CCDC83: variants seen among roughly 807,000 people sequenced by gnomAD.
The protein encoded by CCDC83 is coiled-coil domain-containing protein 83.
In CCDC83, 54 loss-of-function variants were observed where a neutral mutation model predicts 50.1. That is an observed-to-expected ratio of 1.08 (90% CI 0.87 to 1.35). The LOEUF (loss-of-function observed/expected upper bound fraction) is 1.35, where lower values mean the gene tolerates loss of function less well. Among genes scored for constraint, CCDC83 ranks in the 40% most tolerant of loss-of-function variants. The probability of loss-of-function intolerance (pLI) is 0.00; values close to 1 mark genes in which losing one functional copy is unlikely to be tolerated. For synonymous variants in CCDC83, 161 were observed against 153.3 expected (o/e 1.05, Z -0.37); for missense variants, 518 against 473.9 (o/e 1.09, Z -0.86).
At chr11:85,858,800 G>A (rs940152542) in intron 1 of CCDC83, among the ~76,000 whole-genome samples, 1 of 152,148 alleles carries the variant, frequency 6.6e-6, no homozygotes, top group Non-Finnish European at 1.5e-5. Context: ...GCCCATGACA[G>A]AAAAGCAGCA....
In CCDC83 at chr11:85,915,338, C is replaced by G. The variant is rs940612742; in HGVS notation, c.795-81C>G. The G allele has an allele frequency of 4.1e-6, 4 of 964,404 alleles. No homozygotes were observed. The African/African-American group carries it at 4.9e-5, about 12-fold the overall frequency. 59.7% of individuals were successfully genotyped at this position (964,404 alleles called of 1,614,324 possible). On this transcript the variant is annotated intron_variant, in intron 8 of 10. Coordinates refer to ENST00000342404, the MANE Select transcript of CCDC83 (RefSeq NM_001286159.2). ...TTTTTCATCTATGCATTTCTAGCAC[C>G]TAGTAGAGAGATAGACCCTAGTAAG... is the stretch of plus-strand genomic sequence containing the variant.
intron 7 of CCDC83, among the ~76,000 whole-genome samples, chr11:85,908,468 T>C (rs2093435232): frequency 6.6e-6 from 1 of 151,934 alleles, no homozygotes; most frequent in African/African-American, 2.4e-5. Flanking sequence ...GGAGAATCGC[T>C]TGAACCTGGG....
chr11:85,857,768 C>A (rs1044836103), intron 1 of CCDC83, among the ~76,000 whole-genome samples: 2 of 152,142 alleles, frequency 1.3e-5, no homozygotes, highest in Non-Finnish European at 2.9e-5. Context: ...AAAGGCTGTG[C>A]CCAGGCCCTG....
rs140166663 is a variant in CCDC83 at position 85,858,737 on chromosome 11, C to T, written c.-29+3153C>T. On this transcript the variant is annotated intron_variant, in intron 1 of 10. Transcript: ENST00000342404. ...ATACTTTACCATCTAGGCATTCACC[C>T]GGTCTGTGGACTTATACCTGTGTGC... Among the ~76,000 whole-genome samples the T allele has an allele frequency of 1.2e-4, 17 of 147,756 alleles. 1 individual carries two copies. The East Asian group carries it at 2.1e-3, about 18-fold the overall frequency.
intron 7 of CCDC83, 99 bp from the exon 8 acceptor site, chr11:85,911,182 A>T (rs2135135889): frequency 1.8e-6 from 2 of 1,084,546 alleles, no homozygotes; most frequent in South Asian, 2.4e-5. Flanking sequence ...AAATAAAAAA[A>T]AAAAAAAAAA....
At chr11:85,880,739 C>A (rs1239665363) in intron 3 of CCDC83, among the ~76,000 whole-genome samples, 1 of 152,000 alleles carries the variant, frequency 6.6e-6, no homozygotes, top group Admixed American at 6.6e-5. Context: ...TTTCTTCTAG[C>A]TAGCATGGTT....
intron 10 of CCDC83, among the ~76,000 whole-genome samples, chr11:85,918,406 G>A (rs1183455284): frequency 3.3e-5 from 5 of 152,184 alleles, no homozygotes; most frequent in Non-Finnish European, 7.3e-5. Flanking sequence ...GAACACTTGG[G>A]AAAGGTTTGC....
chr11:85,856,673 G>A (rs967897072), intron 1 of CCDC83, among the ~76,000 whole-genome samples: 14 of 152,118 alleles, frequency 9.2e-5, no homozygotes, highest in Admixed American at 6.5e-5. Context: ...ATCATCAGTC[G>A]TCCAAGTGAA....
chr11:85,904,130 T>C (rs1018117384), intron 7 of CCDC83, among the ~76,000 whole-genome samples: 2 of 152,258 alleles, frequency 1.3e-5, no homozygotes, highest in East Asian at 3.9e-4. Context: ...CCAGGGAGCA[T>C]GAAAGGGGTT....
intron 1 of CCDC83, among the ~76,000 whole-genome samples, chr11:85,861,308 A>T (rs2093174882): frequency 1.3e-5 from 2 of 152,230 alleles, no homozygotes; most frequent in African/African-American, 4.8e-5. Flanking sequence ...CATTACTACT[A>T]CTACTATTAC....
intron 7 of CCDC83, among the ~76,000 whole-genome samples, chr11:85,906,712 C>A (rs1214017801): frequency 6.6e-6 from 1 of 151,322 alleles, no homozygotes; most frequent in Non-Finnish European, 1.5e-5. Flanking sequence ...GACCACATCT[C>A]TACAAAAAAA....
chr11:85,906,601 G>A (rs1202588780), intron 7 of CCDC83, among the ~76,000 whole-genome samples: 2 of 152,136 alleles, frequency 1.3e-5, no homozygotes, highest in Non-Finnish European at 2.9e-5. Context: ...CAAATCACCT[G>A]GGCATGGTGG....
At chr11:85,865,625 C>T (rs558060558) in intron 2 of CCDC83, among the ~76,000 whole-genome samples, 4 of 152,242 alleles carry the variant, frequency 2.6e-5, no homozygotes, top group Admixed American at 2.0e-4. Context: ...TGGTGGCTCA[C>T]ACCTGTATTC....
At chr11:85,865,728 A>C (rs1291198301) in intron 2 of CCDC83, among the ~76,000 whole-genome samples, 1 of 152,122 alleles carries the variant, frequency 6.6e-6, no homozygotes, top group African/African-American at 2.4e-5. Flanking sequence ...TCTCCACTAA[A>C]AATCCAAAAA....
intron 5 of CCDC83, among the ~76,000 whole-genome samples, chr11:85,889,077 C>T (rs1015890762): frequency 6.6e-5 from 10 of 152,194 alleles, no homozygotes; most frequent in Non-Finnish European, 1.2e-4. Context: ...TTGGGCCAGG[C>T]GTGGTGTCTC....
chr11:85,883,673 C>A (rs1010248567), intron 4 of CCDC83, among the ~76,000 whole-genome samples: 2 of 152,116 alleles, frequency 1.3e-5, no homozygotes, highest in Non-Finnish European at 2.9e-5. Flanking sequence ...TAAATAACAT[C>A]CCTGCTAGGA....
intron 5 of CCDC83, among the ~76,000 whole-genome samples, chr11:85,887,443 A>G (rs2093332346): frequency 6.6e-6 from 1 of 152,060 alleles, no homozygotes; most frequent in South Asian, 2.1e-4. Flanking sequence ...CTGCTTGTGG[A>G]CCAATTTGTA....
chr11:85,871,857 AAC>A (rs1351583008), intron 2 of CCDC83, among the ~76,000 whole-genome samples: 1 of 152,208 alleles, frequency 6.6e-6, no homozygotes, highest in Non-Finnish European at 1.5e-5. Flanking sequence ...GGGTTTAGGT[AAC>A]ACACTTCTGT....
chr11:85,909,766 A>C (rs2093444693), intron 7 of CCDC83, among the ~76,000 whole-genome samples: 1 of 151,502 alleles, frequency 6.6e-6, no homozygotes, highest in African/African-American at 2.4e-5. Flanking sequence ...ACACTTCTTA[A>C]AAACAGATGA....
Sources: gnomAD v4.1 joint callset for allele counts (sites outside exome capture counted in the v4.1 genomes callset) on GRCh38, gnomAD v4.1.1 for gene constraint, MANE v1.5 for transcripts, NCBI Gene and HGNC (gene_info 2026-07-23, HGNC 2026-07-21) for gene names.